Variants in TNR observed in about 807,000 individuals in gnomAD.
The protein encoded by TNR is tenascin-R.
A neutral mutation model predicts 150.4 loss-of-function variants in TNR; 45 were observed. That is an observed-to-expected ratio of 0.30 (90% CI 0.24 to 0.38). The LOEUF (loss-of-function observed/expected upper bound fraction) is 0.38. Among genes scored for constraint, TNR ranks in the 10% least tolerant of loss-of-function variants. The probability of loss-of-function intolerance (pLI) is 1.00; values close to 1 mark genes in which losing one functional copy is unlikely to be tolerated. For synonymous variants in TNR, 687 were observed against 678.4 expected (o/e 1.01, Z -0.20); for missense variants, 1,544 against 1,759.1 (o/e 0.88, Z 2.19).
intron 2 of TNR, among the ~76,000 whole-genome samples, chr1:175,435,894 T>C (rs1003654359): frequency 5.9e-5 from 9 of 152,252 alleles, no homozygotes; most frequent in African/African-American, 1.7e-4. Context: ...CCTTCACTTA[T>C]GAAGCTTAGT....
intron 1 of TNR, among the ~76,000 whole-genome samples, chr1:175,690,796 T>C (rs1666338376): frequency 6.6e-6 from 1 of 152,098 alleles, no homozygotes; most frequent in African/African-American, 2.4e-5. Context: ...GTTAGGAGAC[T>C]ATTGTGATGG....
intron 1 of TNR, among the ~76,000 whole-genome samples, chr1:175,590,224 C>G (rs1662745559): frequency 6.6e-6 from 1 of 152,060 alleles, no homozygotes; most frequent in South Asian, 2.1e-4. Flanking sequence ...ATTTGCTTAC[C>G]TGTAGTAGTC....
chr1:175,444,352 T>C (rs1655934795), intron 2 of TNR, among the ~76,000 whole-genome samples: 3 of 152,070 alleles, frequency 2.0e-5, no homozygotes, highest in Non-Finnish European at 4.4e-5. Context: ...AGGCCTTAAA[T>C]GGTCTAAGGA....
chr1:175,563,085 C>T (rs1039427129), intron 1 of TNR, among the ~76,000 whole-genome samples: 2 of 152,150 alleles, frequency 1.3e-5, no homozygotes, highest in African/African-American at 4.8e-5. Flanking sequence ...CTTGGGTGCC[C>T]ACAAATTTGT....
chr1:175,467,759 C>T lies in TNR; in HGVS notation c.-64+60510G>A, dbSNP rs189826027. Among the ~76,000 whole-genome samples, 262 of 152,264 alleles carry T rather than the reference C, an allele frequency of 1.7e-3. 2 individuals are homozygous for T. Among genetic ancestry groups the T allele is most frequent in the Non-Finnish European group, 3.3e-3 (226 of 68,020 alleles). On this transcript the variant is annotated intron_variant, in intron 2 of 22. Coordinates refer to ENST00000367674, the MANE Select transcript of TNR (RefSeq NM_003285.3). ...AATACGTGGGAATTTTCTTCCCACC[C>T]TCATGAGGCTCCTCTCTGACCTACA...
chr1:175,362,922 G>A (rs1651669671), intron 13 of TNR, 113 bp from the exon 14 acceptor site: 1 of 1,279,742 alleles, frequency 7.8e-7, no homozygotes, highest in Non-Finnish European at 1.1e-6. Flanking sequence ...GCACTCAGTG[G>A]GGAGGGATGA....
chr1:175,646,904 C>T (rs888663538), intron 1 of TNR, among the ~76,000 whole-genome samples: 2 of 152,182 alleles, frequency 1.3e-5, no homozygotes, highest in African/African-American at 4.8e-5. Context: ...GGATCCAATA[C>T]GTCCCAAAGA....
At chr1:175,729,782 G>A (rs938518366) in intron 1 of TNR, among the ~76,000 whole-genome samples, 2 of 152,124 alleles carry the variant, frequency 1.3e-5, no homozygotes, top group African/African-American at 4.8e-5. Flanking sequence ...AAAACAAGAA[G>A]AGCACAGCAT....
intron 2 of TNR, among the ~76,000 whole-genome samples, chr1:175,437,465 G>T (rs1444567829): frequency 1.3e-5 from 2 of 152,204 alleles, no homozygotes; most frequent in Admixed American, 6.5e-5. Context: ...ACAATTAAAA[G>T]AACTAGAGAA....
intron 1 of TNR, among the ~76,000 whole-genome samples, chr1:175,725,994 C>A (rs7528470): frequency 0.29 from 43,332 of 152,038 alleles, 6,288 homozygotes; most frequent in African/African-American, 0.35. Flanking sequence ...TACATAAAAA[C>A]TGCAATGAGA....
intron 1 of TNR, among the ~76,000 whole-genome samples, chr1:175,739,017 T>G (rs1030956038): frequency 1.3e-5 from 2 of 152,186 alleles, no homozygotes; most frequent in African/African-American, 4.8e-5. Flanking sequence ...AGTCCTCACT[T>G]TGGCTGTCTT....
In TNR at chr1:175,376,879, T is replaced by TAC. The variant is rs1553211474; in HGVS notation, c.1963+2671_1963+2672dup. Among the ~76,000 whole-genome samples, 393 of 146,528 alleles carry TAC rather than the reference T, an allele frequency of 2.7e-3. 4 individuals are homozygous for TAC. Among genetic ancestry groups the TAC allele is most frequent in the African/African-American group, 8.1e-3 (328 of 40,376 alleles). ...GTAATATTATATATATATATATATA[T>TAC]ACACATATATTTGAAATGTTTTAAA... On this transcript the variant is annotated intron_variant, in intron 9 of 22. Transcript: ENST00000367674.
chr1:175,504,247 G>C (rs939978319), intron 2 of TNR, among the ~76,000 whole-genome samples: 29 of 152,124 alleles, frequency 1.9e-4, no homozygotes, highest in Admixed American at 1.9e-3. Context: ...ATGAGTGGCT[G>C]TCTTTTCCAG....
chr1:175,405,340 T>A (rs960776902), intron 3 of TNR, among the ~76,000 whole-genome samples: 2 of 152,150 alleles, frequency 1.3e-5, no homozygotes, highest in African/African-American at 4.8e-5. Flanking sequence ...CATTTGTAGA[T>A]GAGGAAAGGA....
Position 175,406,358 on chromosome 1 carries a change from G to C in TNR, c.357C>G (p.Asn119Lys), listed in dbSNP as rs951109017. 2.5e-6 allele frequency: 4 copies of C among 1,614,156 alleles called. No homozygotes were observed. Among genetic ancestry groups the C allele is most frequent in the Non-Finnish European group, 2.5e-6 (3 of 1,180,020 alleles). ...CACATGGACAGGCCTTTTTGGGGAA[G>C]TTGATCCTGTGTGTAAAGGTGACCT... The part of the protein sequence containing the change: ...ESQVTFTHRI[N>K]FPKKACPCAS... Residue 119 changes from asparagine to lysine, a missense_variant, in exon 3 of 23, where the codon AAC becomes AAG. By Grantham distance (94) the Asn-to-Lys change is moderately conservative. Transcript: ENST00000367674.
intron 18 of TNR, among the ~76,000 whole-genome samples, chr1:175,351,091 C>A (rs927741776): frequency 6.6e-6 from 1 of 152,240 alleles, no homozygotes; most frequent in African/African-American, 2.4e-5. Flanking sequence ...CAGTGTTTCT[C>A]AGACTTCTTG....
chr1:175,419,989 G>A (rs549451892), intron 2 of TNR, among the ~76,000 whole-genome samples: 83 of 152,338 alleles, frequency 5.4e-4, no homozygotes, highest in Non-Finnish European at 8.8e-4. Flanking sequence ...TCCACCCAGA[G>A]AGGCGTGGTG....
intron 1 of TNR, among the ~76,000 whole-genome samples, chr1:175,717,562 G>A (rs1451374391): frequency 3.3e-5 from 5 of 152,176 alleles, no homozygotes; most frequent in East Asian, 1.9e-4. Flanking sequence ...GAATAAAGGC[G>A]TGAATATATC....
chr1:175,710,435 C>T (rs773761773), intron 1 of TNR, among the ~76,000 whole-genome samples: 2 of 152,062 alleles, frequency 1.3e-5, no homozygotes, highest in Non-Finnish European at 1.5e-5. Flanking sequence ...TTCTAAAAAG[C>T]GTCTATAGCT....
Sources: gnomAD v4.1 joint callset for allele counts (sites outside exome capture counted in the v4.1 genomes callset) on GRCh38, gnomAD v4.1.1 for gene constraint, MANE v1.5 for transcripts, NCBI Gene and HGNC (gene_info 2026-07-23, HGNC 2026-07-21) for gene names.